HS6ST2: variants seen among roughly 807,000 people sequenced by gnomAD.
HS6ST2 encodes heparan sulfate 6-O-sulfotransferase 2, also known as heparan-sulfate 6-O-sulfotransferase 2.
Under a neutral mutation model 33.0 loss-of-function variants are expected in HS6ST2, and 17 were observed. That is an observed-to-expected ratio of 0.52 (90% CI 0.35 to 0.77). The LOEUF is 0.77. Ranked by LOEUF, HS6ST2 falls within the 30% of genes least tolerant of loss-of-function variation. The probability of loss-of-function intolerance (pLI) is 0.01; values close to 1 mark genes in which losing one functional copy is unlikely to be tolerated. For missense variants in HS6ST2, 519 were observed against 551.7 expected (o/e 0.94, Z 0.59); for synonymous variants, 248 against 237.1 (o/e 1.05, Z -0.42).
intron 2 of HS6ST2, among the ~76,000 whole-genome samples, chrX:132,805,862 T>C (rs1013645608): frequency 4.5e-5 from 5 of 110,708 alleles, no homozygotes; most frequent in East Asian, 5.6e-4. Context: ...CTTAGTTGAA[T>C]AGATTGAGTA....
Position 132,906,792 on chromosome X carries a change from C to T in HS6ST2, c.947+50016G>A, listed in dbSNP as rs1381717664. On this transcript the variant is annotated intron_variant, in intron 2 of 4. Transcript: ENST00000370833. ...AAGCAATTCTCCTGCCTCAGCCTCC[C>T]GAGTAGCTGGAATTACAGGCACCCA... Among the ~76,000 whole-genome samples, 3 of 111,323 alleles carry T rather than the reference C, an allele frequency of 2.7e-5. No homozygotes were observed. In the South Asian group the frequency reaches 1.2e-3, roughly 43 times the overall value.
At chrX:132,723,998 G>C (rs1311440060) in intron 2 of HS6ST2, among the ~76,000 whole-genome samples, 1 of 111,387 alleles carries the variant, frequency 9.0e-6, no homozygotes, top group African/African-American at 3.3e-5. Flanking sequence ...AAATTAGCCA[G>C]GTGTGGTGGC....
At chrX:132,791,267 C>T (rs1210024058) in intron 2 of HS6ST2, among the ~76,000 whole-genome samples, 4 of 112,249 alleles carry the variant, frequency 3.6e-5, no homozygotes, top group Non-Finnish European at 7.5e-5. Context: ...GGGAACCACC[C>T]TCAGAAAACT....
chrX:132,698,253 G>A (rs1280459615), intron 3 of HS6ST2, among the ~76,000 whole-genome samples: 1 of 112,414 alleles, frequency 8.9e-6, no homozygotes, highest in Non-Finnish European at 1.9e-5. Flanking sequence ...TGAAATGAGA[G>A]AACTAAATTA....
At chrX:132,798,441 T>C (rs777101362) in intron 2 of HS6ST2, among the ~76,000 whole-genome samples, 6 of 111,400 alleles carry the variant, frequency 5.4e-5, no homozygotes, top group Non-Finnish European at 1.1e-4. Flanking sequence ...CGCCTCTTTG[T>C]AGTTTATGAT....
At chrX:132,824,193 G>A (rs2065493392) in intron 2 of HS6ST2, among the ~76,000 whole-genome samples, 1 of 111,273 alleles carries the variant, frequency 9.0e-6, no homozygotes, top group African/African-American at 3.3e-5. Flanking sequence ...GCACACTATT[G>A]TATTTTGGGG....
intron 2 of HS6ST2, among the ~76,000 whole-genome samples, chrX:132,805,583 C>T (rs748272509): frequency 9.2e-6 from 1 of 109,149 alleles, no homozygotes; most frequent in East Asian, 2.9e-4. Flanking sequence ...CTCCAAATGT[C>T]CCCCCTCTCC....
chrX:132,662,734 T>C (rs1337849334), intron 4 of HS6ST2, among the ~76,000 whole-genome samples: 1 of 112,667 alleles, frequency 8.9e-6, no homozygotes, highest in Non-Finnish European at 1.9e-5. Context: ...GTGAACTTGC[T>C]AAGAAACATT....
At chrX:132,797,105 G>A (rs568664395) in intron 2 of HS6ST2, among the ~76,000 whole-genome samples, 28 of 111,298 alleles carry the variant, frequency 2.5e-4, no homozygotes, top group Middle Eastern at 4.6e-3. Context: ...TGACTGAAGC[G>A]GGGTATTGGG....
chrX:132,957,371 C>T, intron 1 of HS6ST2, 45 bp from the exon 2 acceptor site: 1 of 1,120,395 alleles, frequency 8.9e-7, no homozygotes, highest in Non-Finnish European at 1.2e-6. Context: ...CAGCTCAGCC[C>T]GCGCTCGTCG....
chrX:132,788,677 A>C (rs2065088645), intron 2 of HS6ST2, among the ~76,000 whole-genome samples: 1 of 112,908 alleles, frequency 8.9e-6, no homozygotes, highest in East Asian at 2.8e-4. Context: ...TGTGCCAAAC[A>C]GTTTGTCAAG....
chrX:132,935,403 C>A (rs958827906), intron 2 of HS6ST2, among the ~76,000 whole-genome samples: 2 of 111,514 alleles, frequency 1.8e-5, no homozygotes, highest in Non-Finnish European at 3.8e-5. Context: ...TACTCTGTCA[C>A]CTAGGCTTCA....
At chrX:132,891,593 T>A (rs1263362533) in intron 2 of HS6ST2, among the ~76,000 whole-genome samples, 1 of 109,806 alleles carries the variant, frequency 9.1e-6, no homozygotes, top group African/African-American at 3.3e-5. Context: ...TGTCCATGTG[T>A]TCTCATTGTT....
chrX:132,883,573 C>T (rs1213480045), intron 2 of HS6ST2, among the ~76,000 whole-genome samples: 4 of 111,293 alleles, frequency 3.6e-5, no homozygotes, highest in African/African-American at 6.5e-5. Flanking sequence ...ACATAAGTAA[C>T]TCCATCTTAG....
rs926837491 is a variant in HS6ST2 at position 132,689,419 on chromosome X, G to A, written c.980+19043C>T. 5.4e-5 allele frequency among the ~76,000 whole-genome samples: 6 copies of A among 111,191 alleles called. No individual in the cohort carries two copies. In the East Asian group the frequency reaches 1.7e-3, roughly 31 times the overall value. On this transcript the variant is annotated intron_variant, in intron 3 of 4. Transcript: ENST00000370833. ...ATTCAGGCTTTAACTACAGCTAATC[G>A]ATACAAAAGTGTCCTCAAACAGTCT... is the stretch of plus-strand genomic sequence containing the variant.
At chrX:132,751,356 G>A (rs1247382022) in intron 2 of HS6ST2, among the ~76,000 whole-genome samples, 1 of 111,700 alleles carries the variant, frequency 9.0e-6, no homozygotes, top group African/African-American at 3.3e-5. Context: ...ACAGTAAAGA[G>A]CAGGCCTCTG....
At chrX:132,784,712 A>C (rs2065045895) in intron 2 of HS6ST2, among the ~76,000 whole-genome samples, 1 of 111,855 alleles carries the variant, frequency 8.9e-6, no homozygotes, top group Non-Finnish European at 1.9e-5. Flanking sequence ...TGTGAGCTAA[A>C]CAAGAGCCCC....
At position 132,760,794 on chromosome X, in the gene HS6ST2, C is replaced by G. The variant is rs1285084806; in HGVS notation, c.948-52300G>C. Among the ~76,000 whole-genome samples the G allele has an allele frequency of 4.5e-5, 5 of 111,175 alleles. No individual in the cohort carries two copies. The East Asian group carries it at 1.4e-3, about 32-fold the overall frequency. ...AACACACATAACTCACCCTTGTAGG[C>G]TGGGAATCCCTCACTTGTAAGCGTG... On this transcript the variant is annotated intron_variant, in intron 2 of 4. Transcript: ENST00000370833.
chrX:132,648,538 C>CAAAAAAAAA lies in HS6ST2; in HGVS notation c.1068-19454_1068-19446dup, dbSNP rs386417567. On this transcript the variant is annotated intron_variant, in intron 4 of 4. Transcript: ENST00000370833. ...ACTGAAAATTGCATGTGGAAAGAGA[C>CAAAAAAAAA]AAAAAAAAAAAAAAAAAAGGTTGGG... is the stretch of plus-strand genomic sequence containing the variant. 5.2e-5 allele frequency among the ~76,000 whole-genome samples: 3 copies of CAAAAAAAAA among 57,546 alleles called. No individual in the cohort carries two copies. The East Asian group carries it at 1.7e-3, about 33-fold the overall frequency. 50.0% of individuals were successfully genotyped at this position (57,546 alleles called of 115,157 possible). A position where few individuals can be genotyped will look rare whatever the true frequency, so the allele number is the denominator to read the frequency against.
Sources: allele counts gnomAD v4.1 joint callset (sites outside exome capture counted in the v4.1 genomes callset), GRCh38; gene constraint gnomAD v4.1.1; transcripts MANE v1.5; gene names NCBI Gene and HGNC (gene_info 2026-07-23, HGNC 2026-07-21).